The following PELI1 variants were observed in gnomAD, a reference collection of about 807,000 sequenced individuals.
PELI1 encodes the protein pellino E3 ubiquitin protein ligase 1.
Under a neutral mutation model 41.3 loss-of-function variants are expected in PELI1, and 15 were observed. That is an observed-to-expected ratio of 0.36 (90% confidence interval 0.24 to 0.56). The LOEUF (loss-of-function observed/expected upper bound fraction) is 0.56, where lower values mean the gene tolerates loss of function less well. PELI1 is among the 20% of genes least tolerant of loss of function. PELI1 has a pLI of 0.82. For synonymous variants in PELI1, 178 were observed against 180.1 expected, an observed-to-expected ratio of 0.99 and a Z score of 0.09; for missense variants, 403 against 525.5, an observed-to-expected ratio of 0.77 and a Z score of 2.28.
intron 1 of PELI1, among the ~76,000 whole-genome samples, chr2:64,125,480 A>G (rs1361832992): frequency 6.6e-6 from 1 of 152,232 alleles, no homozygotes; most frequent in African/African-American, 2.4e-5. Flanking sequence ...TAAGCTGAAT[A>G]TTCAAATACA....
Position 64,127,547 on chromosome 2 carries a change from A to G in PELI1, c.-70+16534T>C, listed in dbSNP as rs148281577. On this transcript the variant is annotated intron_variant, in intron 1 of 6. Transcript: ENST00000358912. ...TCCTCACACTATCAGGGAGAAGAGT[A>G]AGGTTTTTAACATTGATGAATATGG... 3.9e-5 allele frequency among the ~76,000 whole-genome samples: 6 copies of G among 152,308 alleles called. No homozygotes were observed. In the East Asian group the frequency reaches 1.2e-3, roughly 29 times the overall value.
Position 64,104,836 on chromosome 2 carries a change from G to T in PELI1, c.72-6C>A, listed in dbSNP as rs753279774. The T allele has an allele frequency of 6.2e-7, 1 of 1,603,342 alleles. No individual in the cohort carries two copies. The highest frequency in any genetic ancestry group is 8.5e-7 in the Non-Finnish European group (1 of 1,176,140). On this transcript the variant is annotated splice_region_variant and splice_polypyrimidine_tract_variant and intron_variant, in intron 2 of 6. Coordinates refer to ENST00000358912, the MANE Select transcript of PELI1 (RefSeq NM_020651.4). Reference sequence around the variant, plus strand: ...TTGGGAGAGACCCATTATACCTGATGGGGGAAAAAAAGTATAGGTGATCTC... The same window carrying T: ...TTGGGAGAGACCCATTATACCTGATTGGGGAAAAAAAGTATAGGTGATCTC...
intron 1 of PELI1, among the ~76,000 whole-genome samples, chr2:64,118,082 T>G (rs1681060845): frequency 6.6e-6 from 1 of 152,192 alleles, no homozygotes; most frequent in Admixed American, 6.5e-5. Flanking sequence ...GTGCTGAGAT[T>G]ACAGGTGTGA....
chr2:64,110,274 A>C (rs1020160151), intron 1 of PELI1, among the ~76,000 whole-genome samples: 3 of 151,524 alleles, frequency 2.0e-5, no homozygotes. Context: ...AAAAAGAAAA[A>C]ATATCCTGGA....
chr2:64,128,407 A>T (rs1681456735), intron 1 of PELI1, among the ~76,000 whole-genome samples: 1 of 152,152 alleles, frequency 6.6e-6, no homozygotes, highest in Non-Finnish European at 1.5e-5. Context: ...TACACATGAT[A>T]TATTTTTCTC....
At chr2:64,108,505 G>A (rs1404913324) in intron 1 of PELI1, 126 bp from the exon 2 acceptor site, 2 of 476,698 alleles carry the variant, frequency 4.2e-6, no homozygotes, top group South Asian at 3.6e-5. Context: ...TACATTTTAT[G>A]GGACATTTTG....
intron 1 of PELI1, among the ~76,000 whole-genome samples, chr2:64,128,056 A>T (rs993708626): frequency 2.6e-5 from 4 of 152,204 alleles, no homozygotes; most frequent in African/African-American, 7.2e-5. Flanking sequence ...ATTAAAAAAA[A>T]ATATCAACCA....
At chr2:64,116,884 T>C (rs1484135299) in intron 1 of PELI1, among the ~76,000 whole-genome samples, 3 of 152,228 alleles carry the variant, frequency 2.0e-5, no homozygotes, top group African/African-American at 4.8e-5. Flanking sequence ...CACATTCTGG[T>C]AATTCTCACA....
At chr2:64,140,810 A>AAAC (rs1681884281) in intron 1 of PELI1, among the ~76,000 whole-genome samples, 1 of 147,122 alleles carries the variant, frequency 6.8e-6, no homozygotes, top group African/African-American at 2.5e-5. Context: ...CAAACAAACA[A>AAAC]AAAAAAACCT....
In PELI1 at chr2:64,108,386, G is replaced by A. The variant is rs1680691371; in HGVS notation, c.-69-7C>T. On this transcript the variant is annotated splice_polypyrimidine_tract_variant and splice_region_variant and intron_variant, in intron 1 of 6. Coordinates refer to ENST00000358912, the MANE Select transcript of PELI1 (RefSeq NM_020651.4). ...ACACCTTTTGCATTATTTCCTAGAG[G>A]GGAAAAGTTTTCATTAATAATGTGA... 2 of 849,820 alleles carry A rather than the reference G, an allele frequency of 2.4e-6. No individual in the cohort carries two copies. The highest frequency in any genetic ancestry group is 4.0e-6 in the Non-Finnish European group (2 of 503,350). The allele number at this position is 849,820 out of a possible 1,614,324, so 52.6% of individuals were successfully genotyped here. A position where few individuals can be genotyped will look rare whatever the true frequency, so the allele number is the denominator to read the frequency against.
intron 3 of PELI1, among the ~76,000 whole-genome samples, chr2:64,103,562 T>C (rs1297973328): frequency 1.3e-5 from 2 of 152,204 alleles, no homozygotes; most frequent in African/African-American, 4.8e-5. Context: ...ACCTGCTTAG[T>C]ATATTCCTTC....
intron 1 of PELI1, among the ~76,000 whole-genome samples, chr2:64,134,479 T>C (rs1472360040): frequency 1.3e-5 from 2 of 152,148 alleles, no homozygotes; most frequent in Non-Finnish European, 2.9e-5. Context: ...AGTAAGTATA[T>C]TTAAAAAGCT....
intron 4 of PELI1, among the ~76,000 whole-genome samples, chr2:64,099,195 CACACACAT>C (rs1005077391): frequency 8.6e-5 from 13 of 151,088 alleles, no homozygotes; most frequent in African/African-American, 2.9e-4. Context: ...CACACACACA[CACACACAT>C]ATATATTTAT....
chr2:64,107,516 A>G (rs1472247675), intron 2 of PELI1, among the ~76,000 whole-genome samples: 2 of 152,236 alleles, frequency 1.3e-5, no homozygotes, highest in South Asian at 2.1e-4. Flanking sequence ...AGCAATAACT[A>G]CTGTAGAGAG....
chr2:64,113,803 A>G (rs1043057369), intron 1 of PELI1, among the ~76,000 whole-genome samples: 1 of 152,166 alleles, frequency 6.6e-6, no homozygotes, highest in Non-Finnish European at 1.5e-5. Context: ...TTTCATATCA[A>G]GTCTTCCCAA....
At chr2:64,096,733 T>C (rs1680251936) in intron 4 of PELI1, 123 bp from the exon 5 acceptor site, 3 of 628,348 alleles carry the variant, frequency 4.8e-6, no homozygotes, top group Non-Finnish European at 8.3e-6. Context: ...AAGTTTACCA[T>C]ACTTAACGCT....
intron 1 of PELI1, among the ~76,000 whole-genome samples, chr2:64,111,518 T>C (rs781344201): frequency 4.3e-4 from 66 of 152,324 alleles, no homozygotes; most frequent in Admixed American, 2.4e-3. Flanking sequence ...CTCGTCACCC[T>C]AGATATATTT....
intron 1 of PELI1, 69 bp from the exon 2 acceptor site, chr2:64,108,448 C>T (rs1451354152): frequency 1.6e-5 from 10 of 643,554 alleles, no homozygotes; most frequent in Middle Eastern, 6.5e-4. Flanking sequence ...TGTTATTTTT[C>T]AGCAGTCCTC....
chr2:64,102,348 G>A (rs913140888), intron 3 of PELI1, among the ~76,000 whole-genome samples: 8 of 150,984 alleles, frequency 5.3e-5, no homozygotes, highest in African/African-American at 7.3e-5. Flanking sequence ...ATATACACAC[G>A]CACACACACA....
Sources: allele counts gnomAD v4.1 joint callset (sites outside exome capture counted in the v4.1 genomes callset), GRCh38; gene constraint gnomAD v4.1.1; transcripts MANE v1.5; gene names NCBI Gene and HGNC (gene_info 2026-07-23, HGNC 2026-07-21).